The following SPIDR variants were observed in gnomAD, a reference collection of about 807,000 sequenced individuals.
SPIDR encodes the protein DNA repair-scaffolding protein.
In SPIDR, 93 loss-of-function variants were observed where a neutral mutation model predicts 104.6. That is an observed-to-expected ratio of 0.89 (90% CI 0.75 to 1.06). SPIDR has a LOEUF of 1.06. SPIDR is among the 50% of genes least tolerant of loss of function. The pLI is 0.00. For missense variants in SPIDR, 1,154 were observed against 1,111.2 expected (o/e 1.04, Z -0.55); for synonymous variants, 431 against 416.9 (o/e 1.03, Z -0.41).
chr8:47,364,875 A>G (rs2056886669), intron 5 of SPIDR, among the ~76,000 whole-genome samples: 3 of 152,180 alleles, frequency 2.0e-5, no homozygotes, highest in South Asian at 2.1e-4. Flanking sequence ...CCCTGCATGC[A>G]TGGAGGCAGG....
At chr8:47,447,388 A>G (rs782765444) in intron 8 of SPIDR, among the ~76,000 whole-genome samples, 2 of 151,784 alleles carry the variant, frequency 1.3e-5, no homozygotes, top group Non-Finnish European at 1.5e-5. Context: ...TAATTTTTGT[A>G]TTTTTAGTAG....
At chr8:47,693,248 T>C (rs553145500) in intron 11 of SPIDR, among the ~76,000 whole-genome samples, 8 of 152,366 alleles carry the variant, frequency 5.3e-5, no homozygotes, top group Admixed American at 3.9e-4. Flanking sequence ...GAAGGCATTA[T>C]TTTTACTCCT....
chr8:47,718,601 C>T (rs1396103624), intron 16 of SPIDR, among the ~76,000 whole-genome samples: 7 of 151,828 alleles, frequency 4.6e-5, no homozygotes. Context: ...TTACTATCCT[C>T]ATGGTTTAAG....
rs1183447584 is a variant in SPIDR at position 47,331,965 on chromosome 8, C to CTTTT, written c.525+37953_525+37956dup. ...TTTCTATTTAAAAAATTTTTTTAAA[C>CTTTT]TTTTTTTTTTTTTTTTTTTTTCTCT... is the stretch of plus-strand genomic sequence containing the variant. On this transcript the variant is annotated intron_variant, in intron 5 of 19. Transcript: ENST00000297423. Among the ~76,000 whole-genome samples the CTTTT allele has an allele frequency of 5.5e-3, 180 of 32,662 alleles. 1 individual carries two copies. Among genetic ancestry groups the CTTTT allele is most frequent in the South Asian group, 0.022 (13 of 592 alleles). 21.4% of individuals were successfully genotyped at this position (32,662 alleles called of 152,430 possible). A position where few individuals can be genotyped will look rare whatever the true frequency, so the allele number is the denominator to read the frequency against.
intron 8 of SPIDR, among the ~76,000 whole-genome samples, chr8:47,536,339 A>C (rs2086911754): frequency 1.3e-5 from 2 of 152,164 alleles, no homozygotes; most frequent in South Asian, 4.1e-4. Flanking sequence ...TAGCCGACTC[A>C]ATACTGAAAG....
At chr8:47,630,500 G>T (rs1272285039) in intron 10 of SPIDR, among the ~76,000 whole-genome samples, 7 of 152,204 alleles carry the variant, frequency 4.6e-5, no homozygotes, top group Non-Finnish European at 1.0e-4. Context: ...GTTTTAGAGT[G>T]TTAAAGAAAT....
chr8:47,329,206 G>T (rs1587065959), intron 5 of SPIDR, among the ~76,000 whole-genome samples: 1 of 152,018 alleles, frequency 6.6e-6, no homozygotes, highest in East Asian at 1.9e-4. Context: ...GAGTAGCTGG[G>T]ACTACAGGCA....
chr8:47,546,444 T>C (rs1216347858), intron 8 of SPIDR, among the ~76,000 whole-genome samples: 2 of 152,184 alleles, frequency 1.3e-5, no homozygotes, highest in East Asian at 1.9e-4. Context: ...ACATGGTCTA[T>C]AGTGATATTC....
chr8:47,664,640 G>A (rs1321180629), intron 10 of SPIDR, among the ~76,000 whole-genome samples: 1 of 149,154 alleles, frequency 6.7e-6, no homozygotes, highest in Non-Finnish European at 1.5e-5. Context: ...GCGCATGGAA[G>A]CTCACACCTG....
At chr8:47,496,620 A>T (rs2079482712) in intron 8 of SPIDR, among the ~76,000 whole-genome samples, 1 of 151,030 alleles carries the variant, frequency 6.6e-6, no homozygotes, top group Non-Finnish European at 1.5e-5. Flanking sequence ...GTTTTTGCAT[A>T]TATACTCATA....
chr8:47,334,038 C>A (rs1042166172), intron 5 of SPIDR, among the ~76,000 whole-genome samples: 8 of 152,272 alleles, frequency 5.3e-5, no homozygotes, highest in African/African-American at 1.9e-4. Flanking sequence ...TCTTCTTTGA[C>A]CCATGTGTAT....
At chr8:47,398,817 G>A (rs1261735293) in intron 6 of SPIDR, among the ~76,000 whole-genome samples, 1 of 152,104 alleles carries the variant, frequency 6.6e-6, no homozygotes, top group Non-Finnish European at 1.5e-5. Flanking sequence ...CCAAAGTTGG[G>A]GTGTGGAGGG....
intron 11 of SPIDR, among the ~76,000 whole-genome samples, chr8:47,686,335 C>T (rs1179178012): frequency 1.3e-5 from 2 of 152,080 alleles, no homozygotes; most frequent in Non-Finnish European, 2.9e-5. Context: ...AATAAAAAAT[C>T]CAAATATTTA....
At chr8:47,553,282 G>C (rs1303932536) in intron 8 of SPIDR, among the ~76,000 whole-genome samples, 1 of 152,084 alleles carries the variant, frequency 6.6e-6, no homozygotes, top group African/African-American at 2.4e-5. Flanking sequence ...GGCATTCTCT[G>C]TATTTCCTGA....
intron 10 of SPIDR, among the ~76,000 whole-genome samples, chr8:47,634,667 C>G (rs1053382843): frequency 1.3e-5 from 2 of 152,264 alleles, no homozygotes; most frequent in South Asian, 2.1e-4. Context: ...CTCACCTGGT[C>G]CAGGCCTGGC....
chr8:47,500,714 G>T (rs1280751640), intron 8 of SPIDR, among the ~76,000 whole-genome samples: 1 of 152,158 alleles, frequency 6.6e-6, no homozygotes, highest in African/African-American at 2.4e-5. Flanking sequence ...TGAAGTCCTT[G>T]CCCATGCCTA....
chr8:47,407,384 C>A (rs1554668021), intron 6 of SPIDR, among the ~76,000 whole-genome samples: 1 of 152,198 alleles, frequency 6.6e-6, no homozygotes, highest in Non-Finnish European at 1.5e-5. Context: ...TTGACTGGAA[C>A]TCTGAGCCCA....
chr8:47,642,190 G>A lies in SPIDR; in HGVS notation c.1545-31611G>A, dbSNP rs535303975. Among the ~76,000 whole-genome samples, 15 of 152,222 alleles carry A rather than the reference G, an allele frequency of 9.9e-5. No individual in the cohort carries two copies. In the South Asian group the frequency reaches 1.0e-3, roughly 11 times the overall value. The stretch of plus-strand genomic sequence containing the variant: ...TGTAATCCCAGCACTTTGGGAGGCC[G>A]AGGCAGGCGGATCACGAAGTAAGGA... On this transcript the variant is annotated intron_variant, in intron 10 of 19. Transcript: ENST00000297423.
At chr8:47,637,880 A>G (rs1429226271) in intron 10 of SPIDR, among the ~76,000 whole-genome samples, 1 of 152,098 alleles carries the variant, frequency 6.6e-6, no homozygotes, top group Non-Finnish European at 1.5e-5. Context: ...GAGAGCTCCA[A>G]TCCCCTTGTT....
Sources: allele counts gnomAD v4.1 joint callset (sites outside exome capture counted in the v4.1 genomes callset), GRCh38; gene constraint gnomAD v4.1.1; transcripts MANE v1.5; gene names NCBI Gene and HGNC (gene_info 2026-07-23, HGNC 2026-07-21).